The following MTHFD1 variants were observed in gnomAD, a reference collection of about 807,000 sequenced individuals.
MTHFD1 encodes C-1-tetrahydrofolate synthase, cytoplasmic.
MTHFD1 carries 44 observed loss-of-function variants against 110.3 expected under a neutral mutation model. That is an observed-to-expected ratio of 0.40 (90% CI 0.31 to 0.51). MTHFD1 has a LOEUF of 0.51. Among genes scored for constraint, MTHFD1 ranks in the 20% least tolerant of loss-of-function variants. The pLI, the probability that MTHFD1 is intolerant of heterozygous loss-of-function variation, is 0.60. For missense variants in MTHFD1, 909 were observed against 1,173.1 expected (o/e 0.77, Z 3.29); for synonymous variants, 402 against 428.8 (o/e 0.94, Z 0.77).
rs2077796863 is a variant in MTHFD1, at chr14:64,390,648, T to G, written c.41+2180T>G. Among the ~76,000 whole-genome samples, 3 of 151,842 alleles carry G rather than the reference T, an allele frequency of 2.0e-5. No homozygotes were observed. The South Asian group carries it at 6.2e-4, about 32-fold the overall frequency. The stretch of plus-strand genomic sequence containing the variant: ...ACAGGCGTCCGCCACCATGTCCAGC[T>G]AGTTTGTTTGTTTGTTTGAGACAGA... On this transcript the variant is annotated intron_variant, in intron 1 of 27. Coordinates refer to ENST00000652337, the MANE Select transcript of MTHFD1 (RefSeq NM_005956.4).
At chr14:64,424,659 C>T (rs1284133544) in intron 8 of MTHFD1, 145 bp from the exon 9 acceptor site, 1 of 866,812 alleles carries the variant, frequency 1.2e-6, no homozygotes, top group Non-Finnish European at 1.9e-6. Flanking sequence ...TAGCAAACAT[C>T]TGTCATTCCA....
chr14:64,403,554 C>T (rs550769336), intron 2 of MTHFD1, among the ~76,000 whole-genome samples: 1 of 151,710 alleles, frequency 6.6e-6, no homozygotes, highest in East Asian at 1.9e-4. Context: ...AGGTGTAAGC[C>T]ACTGCGCCCA....
chr14:64,401,360 G>A (rs905000327), intron 2 of MTHFD1, among the ~76,000 whole-genome samples: 3 of 152,062 alleles, frequency 2.0e-5, no homozygotes, highest in African/African-American at 7.2e-5. Flanking sequence ...AAGACCTCAA[G>A]AAGCTATTGT....
chr14:64,388,524 G>T (rs377352757), intron 1 of MTHFD1, 56 bp downstream of exon 1: 1 of 1,545,250 alleles, frequency 6.5e-7, no homozygotes, highest in African/African-American at 1.4e-5. Context: ...CTCTGAGGGT[G>T]TGCAGGTCCC....
chr14:64,439,252 A>C, intron 17 of MTHFD1, 80 bp downstream of exon 17: 9 of 1,000,770 alleles, frequency 9.0e-6, no homozygotes, highest in Non-Finnish European at 1.3e-5. Context: ...ATCCTCTCTC[A>C]TACGACTGAT....
intron 16 of MTHFD1, among the ~76,000 whole-genome samples, chr14:64,436,405 T>A (rs1280242424): frequency 6.6e-6 from 1 of 152,156 alleles, no homozygotes; most frequent in Non-Finnish European, 1.5e-5. Context: ...ACCTAATCAT[T>A]TTTTTACCTC....
At position 64,428,102 on chromosome 14, in the gene MTHFD1, G is replaced by GTTTT. The variant is rs11289659; in HGVS notation, c.1264+651_1264+654dup. Among the ~76,000 whole-genome samples the GTTTT allele has an allele frequency of 4.7e-4, 35 of 74,724 alleles. 1 individual carries two copies. The highest frequency in any genetic ancestry group is 7.9e-4 in the Admixed American group (4 of 5,074). 49.0% of individuals were successfully genotyped at this position (74,724 alleles called of 152,430 possible). ...TATTGCTGCGGTACTAAGAACATGT[G>GTTTT]TTTTTTTTTTTTTTTTTTTTTTTTT... On this transcript the variant is annotated intron_variant, in intron 12 of 27. Transcript: ENST00000652337.
At chr14:64,457,355 G>C (rs2078491642) in intron 26 of MTHFD1, among the ~76,000 whole-genome samples, 1 of 152,124 alleles carries the variant, frequency 6.6e-6, no homozygotes, top group Admixed American at 6.6e-5. Flanking sequence ...GTAAGGTGAA[G>C]GTGGAAACAC....
chr14:64,446,607 T>A (rs1425920367), intron 22 of MTHFD1, among the ~76,000 whole-genome samples: 1 of 151,810 alleles, frequency 6.6e-6, no homozygotes. Context: ...AGTGGTGTGA[T>A]CTCGGCTCAC....
chr14:64,453,915 T>A, intron 25 of MTHFD1, 54 bp downstream of exon 25: 1 of 1,136,300 alleles, frequency 8.8e-7, no homozygotes, highest in East Asian at 2.5e-5. Flanking sequence ...GGACTTGGAG[T>A]CACAATCTCT....
intron 1 of MTHFD1, among the ~76,000 whole-genome samples, chr14:64,395,110 C>T (rs567060296): frequency 1.3e-5 from 2 of 152,328 alleles, no homozygotes; most frequent in Non-Finnish European, 2.9e-5. Context: ...AGTTAAGCAC[C>T]GCTTCTTACA....
chr14:64,458,169 C>T (rs746653959), intron 26 of MTHFD1, 45 bp from the exon 27 acceptor site: 8 of 1,449,636 alleles, frequency 5.5e-6, no homozygotes, highest in Non-Finnish European at 5.8e-6. Context: ...GCGTGAGCCA[C>T]TGTGCCCAGC....
rs559506699 is a variant in MTHFD1 at position 64,417,718 on chromosome 14, T to C, written c.479-170T>C. On this transcript the variant is annotated intron_variant, in intron 6 of 27. Coordinates refer to ENST00000652337, the MANE Select transcript of MTHFD1 (RefSeq NM_005956.4). The surrounding 1 kb of genome is among the most constrained non-coding windows in gnomAD (Gnocchi z 4.4). ...ACAAGTACAAGTCCCAATTTATAGC[T>C]GAAACCCTAGAGTTGAGAATATTAT... Among the ~76,000 whole-genome samples, 2 of 152,306 alleles carry C rather than the reference T, an allele frequency of 1.3e-5. No individual in the cohort carries two copies. Among genetic ancestry groups the C allele is most frequent in the South Asian group, 4.1e-4 (2 of 4,824 alleles).
At chr14:64,426,303 C>T in intron 11 of MTHFD1, 111 bp downstream of exon 11, 1 of 1,215,900 alleles carries the variant, frequency 8.2e-7, no homozygotes, top group South Asian at 1.2e-5. Context: ...TTGATTTTAG[C>T]ATTTTCACCC....
chr14:64,448,416 C>T, intron 23 of MTHFD1, 99 bp downstream of exon 23: 2 of 959,314 alleles, frequency 2.1e-6, no homozygotes, highest in East Asian at 5.1e-5. Flanking sequence ...TCAGTTACTG[C>T]TATTGGTTAT....
At chr14:64,395,467 A>G (rs2077840231) in intron 1 of MTHFD1, among the ~76,000 whole-genome samples, 1 of 152,052 alleles carries the variant, frequency 6.6e-6, no homozygotes, top group Non-Finnish European at 1.5e-5. Context: ...TTGTTCAGGA[A>G]TCCTACCACA....
At position 64,415,640 on chromosome 14, in the gene MTHFD1, T is replaced by G. The variant is rs762753117; in HGVS notation, c.379T>G (p.Leu127Val). Reference sequence around the variant, plus strand: ...TCTTATTTCCATCACTTTTTTAAGATTGACTAGCATCAATGCTGGGAAACT... The same window carrying G: ...TCTTATTTCCATCACTTTTTTAAGAGTGACTAGCATCAATGCTGGGAAACT... ...AIAPEKDVDG[L>V]TSINAGKLAR... is the part of the protein sequence containing the mutation. The change falls in exon 6 of 28, where the codon TTG becomes GTG. Residue 127 changes from leucine (L) to valine (V), a missense_variant and splice_region_variant. Around this residue, in one of 3 missense-constraint regions of MTHFD1, gnomAD observed 424 missense variants for 510.4 expected, o/e 0.83. Transcript: ENST00000652337. 2.5e-6 allele frequency: 4 copies of G among 1,612,918 alleles called. No individual in the cohort carries two copies. Among genetic ancestry groups the G allele is most frequent in the Non-Finnish European group, 3.4e-6 (4 of 1,178,864 alleles).
intron 26 of MTHFD1, among the ~76,000 whole-genome samples, chr14:64,455,700 A>G (rs1213533465): frequency 2.0e-5 from 3 of 152,244 alleles, no homozygotes; most frequent in Non-Finnish European, 4.4e-5. Context: ...TTCTTTCAGT[A>G]TAGTAAGAAA....
chr14:64,410,409 G>T (rs1020823319), intron 2 of MTHFD1, among the ~76,000 whole-genome samples: 20 of 7,302 alleles, frequency 2.7e-3, no homozygotes, highest in Admixed American at 5.7e-3. Context: ...TGTAAAGATG[G>T]GGGGGGGGGT....
Sources: allele counts gnomAD v4.1 joint callset (sites outside exome capture counted in the v4.1 genomes callset), GRCh38; gene constraint gnomAD v4.1.1; regional missense constraint gnomAD v4.1.1; non-coding constraint Gnocchi (gnomAD v3.1); transcripts MANE v1.5; gene names NCBI Gene and HGNC (gene_info 2026-07-23, HGNC 2026-07-21).